The following SCRG1 variants were observed in gnomAD, a reference collection of about 807,000 sequenced individuals.
SCRG1 encodes the protein stimulator of chondrogenesis 1, also known as scrapie-responsive protein 1.
A neutral mutation model predicts 7.7 loss-of-function variants in SCRG1; 3 were observed. The ratio of observed to expected loss-of-function variants is 0.39; its 90% confidence interval spans 0.18 to 1.01. The LOEUF (loss-of-function observed/expected upper bound fraction) is 1.01, where lower values mean the gene tolerates loss of function less well. SCRG1 is among the 50% of genes least tolerant of loss of function. The pLI is 0.36. For synonymous variants in SCRG1, 46 were observed against 41.2 expected (o/e 1.12, Z -0.44); for missense variants, 110 against 117.2 (o/e 0.94, Z 0.28).
At position 173,389,683 on chromosome 4, in the gene SCRG1, T is replaced by A. The variant is rs988475717; in HGVS notation, c.243-1288A>T. 11 of 188,146 alleles carry A rather than the reference T, an allele frequency of 5.8e-5. 1 individual carries two copies. The highest frequency in any genetic ancestry group is 1.3e-4 in the Non-Finnish European group (11 of 85,952). The allele number at this position is 188,146 out of a possible 1,614,324, so 11.7% of individuals were successfully genotyped here. On this transcript the variant is annotated intron_variant, in intron 2 of 2. Transcript: ENST00000296506. The stretch of plus-strand genomic sequence containing the variant: ...ACTCAGGTGATGCTGAAGCTGCTGT[T>A]CTGGGAACCACACTTTGAGAACCAG...
upstream of SCRG1, among the ~76,000 whole-genome samples, chr4:173,401,406 CCTG>C (rs1450679953): frequency 6.6e-6 from 1 of 152,118 alleles, no homozygotes; most frequent in African/African-American, 2.4e-5. Context: ...AGCTATCCGT[CCTG>C]TTTACCTCAG....
At chr4:173,516,840 C>T in the SCRG1 span, among the ~76,000 whole-genome samples, 2 of 152,342 alleles carry the variant, frequency 1.3e-5, no homozygotes, top group African/African-American at 2.4e-5. Flanking sequence ...GCTCCCAGTT[C>T]TTCCCCGCAT....
chr4:173,515,218 A>G, the SCRG1 span, among the ~76,000 whole-genome samples: 4 of 152,226 alleles, frequency 2.6e-5, no homozygotes, highest in African/African-American at 9.6e-5. This position sits in a 1 kb window ranked among gnomAD's most constrained non-coding sequence, Gnocchi z 4.6. Context: ...GATTTTTCCA[A>G]GATGGCAAGG....
chr4:173,469,169 G>C, the SCRG1 span: 10 of 152,046 alleles, frequency 6.6e-5, no homozygotes, highest in African/African-American at 2.2e-4. Context: ...ATTGGTGATG[G>C]GCCATGAAAA....
At chr4:173,419,918 T>C in the SCRG1 span, 4 of 819,858 alleles carry the variant, frequency 4.9e-6, no homozygotes, top group Non-Finnish European at 8.4e-6. Flanking sequence ...CTTCACACCA[T>C]ATTTTGTGCA....
the SCRG1 span, among the ~76,000 whole-genome samples, chr4:173,493,314 T>C: frequency 2.0e-5 from 3 of 152,140 alleles, no homozygotes; most frequent in Admixed American, 1.3e-4. Flanking sequence ...CTCCCTCTCC[T>C]GTTCTACCAT....
the SCRG1 span, among the ~76,000 whole-genome samples, chr4:173,484,308 T>C: frequency 2.7e-5 from 2 of 74,868 alleles, no homozygotes; most frequent in Middle Eastern, 0.032. Context: ...ATATTTTATA[T>C]ATTATATATT....
the SCRG1 span, among the ~76,000 whole-genome samples, chr4:173,459,905 C>A: frequency 6.6e-6 from 1 of 151,578 alleles, no homozygotes; most frequent in Non-Finnish European, 1.5e-5. Context: ...GTTTCCAACA[C>A]AAAAAAAAAA....
At chr4:173,390,681 GT>G (rs1739407379) in intron 2 of SCRG1, among the ~76,000 whole-genome samples, 1 of 151,946 alleles carries the variant, frequency 6.6e-6, no homozygotes. Flanking sequence ...ATAGAACGGG[GT>G]TTCACCATGT....
chr4:173,446,103 G>A, the SCRG1 span, among the ~76,000 whole-genome samples: 1 of 152,004 alleles, frequency 6.6e-6, no homozygotes, highest in African/African-American at 2.4e-5. Context: ...AATCATAAAG[G>A]ATCAAATGAT....
Position 173,391,059 on chromosome 4 carries a change from A to G in SCRG1, c.242+114T>C, listed in dbSNP as rs1739422051. On this transcript the variant is annotated intron_variant, in intron 2 of 2. Transcript: ENST00000296506. ...TATTCTAGAAAAGAGCTGGGATTGGAACAGGATTTTACTAAAAGGGTTATT... is the reference window on the plus strand; with the variant it reads ...TATTCTAGAAAAGAGCTGGGATTGGGACAGGATTTTACTAAAAGGGTTATT... 6 of 1,074,028 alleles carry G rather than the reference A, an allele frequency of 5.6e-6. No individual in the cohort carries two copies. The South Asian group carries it at 7.0e-5, about 13-fold the overall frequency. The allele number at this position is 1,074,028 out of a possible 1,614,324, so 66.5% of individuals were successfully genotyped here.
the SCRG1 span, among the ~76,000 whole-genome samples, chr4:173,495,306 A>G: frequency 5.3e-5 from 8 of 152,230 alleles, no homozygotes; most frequent in African/African-American, 1.9e-4. Context: ...CAGAATGACT[A>G]TTAATTTGAG....
At chr4:173,417,200 C>T in the SCRG1 span, among the ~76,000 whole-genome samples, 2 of 152,150 alleles carry the variant, frequency 1.3e-5, no homozygotes, top group Non-Finnish European at 2.9e-5. Context: ...TGTTATTTAG[C>T]GCCACCTGGT....
At chr4:173,515,813 C>T in the SCRG1 span, among the ~76,000 whole-genome samples, 15 of 152,184 alleles carry the variant, frequency 9.9e-5, no homozygotes, top group African/African-American at 3.4e-4. This position sits in a 1 kb window ranked among gnomAD's most constrained non-coding sequence, Gnocchi z 4.6. Flanking sequence ...CAGGCATTTA[C>T]TTGCCTAAAG....
At chr4:173,428,539 G>T in the SCRG1 span, among the ~76,000 whole-genome samples, 1 of 152,190 alleles carries the variant, frequency 6.6e-6, no homozygotes, top group African/African-American at 2.4e-5. Context: ...CTTCATGGAG[G>T]CTGTACACCT....
the SCRG1 span, among the ~76,000 whole-genome samples, chr4:173,493,133 A>G: frequency 6.6e-6 from 1 of 152,088 alleles, no homozygotes; most frequent in African/African-American, 2.4e-5. Context: ...CTGTGTCCCC[A>G]CCCAAATCTA....
the SCRG1 span, among the ~76,000 whole-genome samples, chr4:173,442,587 T>A: frequency 1.3e-5 from 2 of 152,298 alleles, no homozygotes; most frequent in African/African-American, 4.8e-5. Flanking sequence ...TTTCTATCCA[T>A]TTGTCTTAGT....
At chr4:173,409,679 C>T (rs1992465), upstream of SCRG1, among the ~76,000 whole-genome samples, 209 of 150,258 alleles carry the variant, frequency 1.4e-3, no homozygotes, top group Non-Finnish European at 2.4e-3. Flanking sequence ...ACCTCTGCCT[C>T]CCAGGCTCAA....
chr4:173,401,213 A>C (rs536094160), upstream of SCRG1, among the ~76,000 whole-genome samples: 1 of 152,208 alleles, frequency 6.6e-6, no homozygotes, highest in Non-Finnish European at 1.5e-5. Flanking sequence ...AAGGGAGATG[A>C]GAGGTGTGTG....
Sources: allele counts gnomAD v4.1 joint callset (sites outside exome capture counted in the v4.1 genomes callset), GRCh38; gene constraint gnomAD v4.1.1; non-coding constraint Gnocchi (gnomAD v3.1); transcripts MANE v1.5; gene names NCBI Gene and HGNC (gene_info 2026-07-23, HGNC 2026-07-21).